AFG2A: variants seen among roughly 807,000 people sequenced by gnomAD.
AFG2A encodes the protein ATPase family gene 2 protein homolog A.
the AFG2A span, among the ~76,000 whole-genome samples, chr4:123,311,322 C>T: frequency 6.6e-6 from 1 of 152,042 alleles, no homozygotes; most frequent in Non-Finnish European, 1.5e-5. Flanking sequence ...CAACTTATAG[C>T]TCATAGAAAA....
At chr4:123,053,312 C>T in the AFG2A span, among the ~76,000 whole-genome samples, 1 of 152,198 alleles carries the variant, frequency 6.6e-6, no homozygotes, top group African/African-American at 2.4e-5. Flanking sequence ...GGGGTAGACC[C>T]AAGGCAGATA....
At chr4:123,144,735 T>C in the AFG2A span, among the ~76,000 whole-genome samples, 7 of 152,138 alleles carry the variant, frequency 4.6e-5, no homozygotes, top group East Asian at 1.9e-4. Context: ...ATAGGAAAAG[T>C]GACCTCAAAG....
At chr4:123,256,637 C>T in the AFG2A span, 1 of 906,894 alleles carries the variant, frequency 1.1e-6, no homozygotes, top group East Asian at 1.2e-4. Flanking sequence ...CAGATTGTAT[C>T]ATTATCATCT....
chr4:123,198,009 G>A, the AFG2A span, among the ~76,000 whole-genome samples: 3 of 151,888 alleles, frequency 2.0e-5, no homozygotes, highest in African/African-American at 4.8e-5. Flanking sequence ...GATGGCTTAC[G>A]CTTGCAATCC....
At chr4:123,137,188 A>T in the AFG2A span, among the ~76,000 whole-genome samples, 1 of 152,122 alleles carries the variant, frequency 6.6e-6, no homozygotes, top group African/African-American at 2.4e-5. Context: ...ACCAGTTCTT[A>T]ATAGGCTGCA....
the AFG2A span, among the ~76,000 whole-genome samples, chr4:123,108,924 T>G: frequency 6.6e-6 from 1 of 152,192 alleles, no homozygotes; most frequent in Non-Finnish European, 1.5e-5. Flanking sequence ...CATTTTGAGT[T>G]TAACAACTTT....
the AFG2A span, among the ~76,000 whole-genome samples, chr4:123,232,798 G>T: frequency 1.3e-5 from 2 of 152,022 alleles, no homozygotes; most frequent in South Asian, 4.1e-4. Flanking sequence ...GATTGGGAGA[G>T]ATTGCTCTTA....
chr4:122,998,694 C>G, the AFG2A span, among the ~76,000 whole-genome samples: 1 of 152,120 alleles, frequency 6.6e-6, no homozygotes, highest in Non-Finnish European at 1.5e-5. Flanking sequence ...GCCATATTTT[C>G]TTAATCCTGT....
the AFG2A span, among the ~76,000 whole-genome samples, chr4:123,109,052 T>A: frequency 6.6e-6 from 1 of 152,184 alleles, no homozygotes; most frequent in Admixed American, 6.5e-5. Context: ...GATGATTGCA[T>A]TATATTACTA....
chr4:123,123,243 CT>C, the AFG2A span, among the ~76,000 whole-genome samples: 1 of 151,722 alleles, frequency 6.6e-6, no homozygotes, highest in African/African-American at 2.4e-5. Flanking sequence ...AGTCTTGCTG[CT>C]TTTTTTTCTG....
At chr4:123,130,299 G>A in the AFG2A span, among the ~76,000 whole-genome samples, 1 of 152,238 alleles carries the variant, frequency 6.6e-6, no homozygotes, top group African/African-American at 2.4e-5. Context: ...TGACAGGCGT[G>A]AGACACGATG....
chr4:122,947,496 T>A, the AFG2A span: 3 of 1,599,426 alleles, frequency 1.9e-6, no homozygotes, highest in Non-Finnish European at 2.6e-6. Flanking sequence ...CAGGTGAGTG[T>A]GGTTTGCTAT....
At chr4:123,223,033 A>G in the AFG2A span, among the ~76,000 whole-genome samples, 1,707 of 152,220 alleles carry the variant, frequency 0.011, 33 homozygotes, top group African/African-American at 0.038. Context: ...TCCTGGTTTT[A>G]ATTCTTCTTG....
At chr4:122,967,803 C>A in the AFG2A span, among the ~76,000 whole-genome samples, 6 of 151,842 alleles carry the variant, frequency 4.0e-5, no homozygotes, top group African/African-American at 1.5e-4. Flanking sequence ...GCATTCAGCC[C>A]CAAAACCTTT....
the AFG2A span, among the ~76,000 whole-genome samples, chr4:123,278,219 T>C: frequency 6.6e-6 from 1 of 152,200 alleles, no homozygotes; most frequent in Non-Finnish European, 1.5e-5. Flanking sequence ...AATTTATCAG[T>C]TTATTCTAGA....
At chr4:122,935,842 A>C in the AFG2A span, 9 of 1,604,416 alleles carry the variant, frequency 5.6e-6, no homozygotes, top group South Asian at 1.1e-5. Context: ...AATTATAAGC[A>C]AGTAAGTACA....
the AFG2A span, among the ~76,000 whole-genome samples, chr4:122,955,372 G>A: frequency 6.6e-6 from 1 of 152,128 alleles, no homozygotes; most frequent in Non-Finnish European, 1.5e-5. Flanking sequence ...ACGGTCTCAT[G>A]GCCTAATCGC....
the AFG2A span, among the ~76,000 whole-genome samples, chr4:123,214,806 A>T: frequency 6.6e-6 from 1 of 152,036 alleles, no homozygotes; most frequent in Non-Finnish European, 1.5e-5. Context: ...TATCTTCTTT[A>T]TGATTTTATT....
the AFG2A span, among the ~76,000 whole-genome samples, chr4:123,124,059 C>A: frequency 1.3e-5 from 2 of 151,262 alleles, 1 homozygote; most frequent in South Asian, 4.2e-4. Context: ...ACTAGTTCAA[C>A]CATTGTGGAA....
Sources: allele counts gnomAD v4.1 joint callset (sites outside exome capture counted in the v4.1 genomes callset), GRCh38; gene constraint gnomAD v4.1.1; transcripts MANE v1.5; gene names NCBI Gene and HGNC (gene_info 2026-07-23, HGNC 2026-07-21).